JCAD: variants seen among roughly 807,000 people sequenced by gnomAD.
JCAD encodes the protein junctional cadherin 5 associated, also known as junctional cadherin 5-associated protein.
JCAD carries 40 observed loss-of-function variants against 98.0 expected under a neutral mutation model. The ratio of observed to expected loss-of-function variants is 0.41; its 90% CI spans 0.32 to 0.53. The LOEUF (loss-of-function observed/expected upper bound fraction) is 0.53. Among genes scored for constraint, JCAD ranks in the 20% least tolerant of loss-of-function variants. The pLI is 0.31. For synonymous variants in JCAD, 691 were observed against 682.3 expected (o/e 1.01, Z -0.20); for missense variants, 1,705 against 1,738.1 (o/e 0.98, Z 0.34).
intron 1 of JCAD, among the ~76,000 whole-genome samples, chr10:30,084,121 GAGAA>G (rs1158638716): frequency 6.8e-6 from 1 of 147,810 alleles, no homozygotes; most frequent in Non-Finnish European, 1.5e-5. Flanking sequence ...GAAAAAGAAA[GAGAA>G]AGAAAAAGGA....
chr10:30,057,897 T>C (rs1837609625), intron 1 of JCAD, among the ~76,000 whole-genome samples: 1 of 152,192 alleles, frequency 6.6e-6, no homozygotes, highest in African/African-American at 2.4e-5. Context: ...AAACTCCCAA[T>C]GTCACACGAA....
chr10:30,058,484 C>T (rs1321213869), intron 1 of JCAD, among the ~76,000 whole-genome samples: 2 of 152,194 alleles, frequency 1.3e-5, no homozygotes, highest in African/African-American at 2.4e-5. Context: ...GCCCAGGTAG[C>T]GCTGGCCTAA....
At chr10:30,091,714 ATTTTTTTTTTTTT>A (rs11307523) in intron 1 of JCAD, among the ~76,000 whole-genome samples, 2 of 81,752 alleles carry the variant, frequency 2.4e-5, no homozygotes, top group African/African-American at 4.9e-5. Context: ...AAGTTTTTAA[ATTTTTTTTTTTTT>A]TTTTTTTTTT....
chr10:30,032,713 G>T (rs1837027588), intron 2 of JCAD, among the ~76,000 whole-genome samples: 1 of 151,876 alleles, frequency 6.6e-6, no homozygotes, highest in African/African-American at 2.4e-5. Flanking sequence ...CTTCTCACCT[G>T]TGTGTGTGTG....
intron 2 of JCAD, among the ~76,000 whole-genome samples, chr10:30,031,860 T>C (rs2132623326): frequency 6.7e-6 from 1 of 148,166 alleles, no homozygotes; most frequent in African/African-American, 2.5e-5. Flanking sequence ...GTTCACGCCA[T>C]TCTCCTGCCT....
chr10:30,060,611 A>C (rs181035948), upstream of JCAD, among the ~76,000 whole-genome samples: 1 of 152,334 alleles, frequency 6.6e-6, no homozygotes, highest in African/African-American at 2.4e-5. Flanking sequence ...TGACCTTGCC[A>C]AATTAGTTTT....
At chr10:30,052,553 T>C (rs920914980) in intron 1 of JCAD, among the ~76,000 whole-genome samples, 9 of 151,458 alleles carry the variant, frequency 5.9e-5, no homozygotes, top group African/African-American at 2.2e-4. Flanking sequence ...CCCAAGAGAG[T>C]AGGGATAAAT....
At chr10:30,073,226 A>T (rs1837925318) in intron 1 of JCAD, among the ~76,000 whole-genome samples, 1 of 152,194 alleles carries the variant, frequency 6.6e-6, no homozygotes, top group Admixed American at 6.5e-5. Flanking sequence ...GCTGCCATTC[A>T]TTGTGTGTCT....
intron 1 of JCAD, among the ~76,000 whole-genome samples, chr10:30,078,214 C>T (rs778236713): frequency 6.6e-6 from 1 of 152,158 alleles, no homozygotes; most frequent in Non-Finnish European, 1.5e-5. Flanking sequence ...CCAGTAGTTT[C>T]TCTTGTTCAA....
intron 2 of JCAD, among the ~76,000 whole-genome samples, chr10:30,044,327 C>A (rs1020620041): frequency 3.9e-5 from 6 of 152,208 alleles, no homozygotes; most frequent in African/African-American, 1.4e-4. Context: ...TTTCATTCAG[C>A]CCCTGTGGCC....
intron 1 of JCAD, among the ~76,000 whole-genome samples, chr10:30,106,651 C>T (rs557996195): frequency 6.6e-6 from 1 of 152,248 alleles, no homozygotes; most frequent in Non-Finnish European, 1.5e-5. Flanking sequence ...CAGGTGCATG[C>T]TACTATGCCC....
upstream of JCAD, among the ~76,000 whole-genome samples, chr10:30,061,071 A>C (rs1393171703): frequency 6.6e-6 from 1 of 152,186 alleles, no homozygotes; most frequent in Non-Finnish European, 1.5e-5. Context: ...AGAACCAGGT[A>C]GCTCAGGTCC....
intron 3 of JCAD, among the ~76,000 whole-genome samples, chr10:30,019,323 C>T (rs1476906619): frequency 6.8e-6 from 1 of 146,054 alleles, no homozygotes; most frequent in Non-Finnish European, 1.5e-5. Context: ...CGCCATTGCA[C>T]TCCAGCCTGG....
Position 30,017,815 on chromosome 10 carries a change from A to G in JCAD, c.*68T>C. ...TTCTACATGGGGAAGTGGGGCTGATAGACTAAATCTACCAGCTACTTGAGA... is the reference window on the plus strand; with the variant it reads ...TTCTACATGGGGAAGTGGGGCTGATGGACTAAATCTACCAGCTACTTGAGA... On this transcript the variant is annotated 3_prime_UTR_variant, in exon 4 of 4. Coordinates refer to ENST00000375377, the MANE Select transcript of JCAD (RefSeq NM_020848.4). 2 of 1,423,448 alleles carry G rather than the reference A, an allele frequency of 1.4e-6. No individual in the cohort carries two copies. Among genetic ancestry groups the G allele is most frequent in the East Asian group, 2.3e-5 (1 of 44,072 alleles). The allele number at this position is 1,423,448 out of a possible 1,614,324, so 88.2% of individuals were successfully genotyped here.
At chr10:30,023,542 G>A (rs1836712618) in intron 3 of JCAD, among the ~76,000 whole-genome samples, 2 of 152,104 alleles carry the variant, frequency 1.3e-5, no homozygotes, top group African/African-American at 4.8e-5. Context: ...TGACAAAACT[G>A]CTAATGATGC....
At chr10:30,054,622 GA>G (rs1837530548) in intron 1 of JCAD, among the ~76,000 whole-genome samples, 1 of 150,412 alleles carries the variant, frequency 6.6e-6, no homozygotes, top group African/African-American at 2.4e-5. Flanking sequence ...TTCATCATCA[GA>G]AAAAAACTTT....
chr10:30,089,342 A>C (rs1328968797), intron 1 of JCAD, among the ~76,000 whole-genome samples: 1 of 152,198 alleles, frequency 6.6e-6, no homozygotes, highest in Non-Finnish European at 1.5e-5. Flanking sequence ...GAGAGAAGGC[A>C]GAGGCTCGGA....
chr10:30,099,048 A>G (rs1838425262), intron 1 of JCAD, among the ~76,000 whole-genome samples: 1 of 152,174 alleles, frequency 6.6e-6, no homozygotes, highest in Admixed American at 6.5e-5. Context: ...ATCTTTTGAA[A>G]TTCGTAGTTT....
chr10:30,087,014 C>T (rs1475342809), intron 1 of JCAD, among the ~76,000 whole-genome samples: 1 of 152,038 alleles, frequency 6.6e-6, no homozygotes, highest in Non-Finnish European at 1.5e-5. Flanking sequence ...GAGTCTTGGC[C>T]CTTCCCAATT....
Sources: gnomAD v4.1 joint callset for allele counts (sites outside exome capture counted in the v4.1 genomes callset) on GRCh38, gnomAD v4.1.1 for gene constraint, MANE v1.5 for transcripts, NCBI Gene and HGNC (gene_info 2026-07-23, HGNC 2026-07-21) for gene names.